Variants in DNAH7 observed in about 807,000 individuals in gnomAD.
DNAH7 encodes the protein dynein axonemal heavy chain 7.
DNAH7 carries 397 observed loss-of-function variants against 444.6 expected under a neutral mutation model. The observed-to-expected ratio is 0.89, with a 90% confidence interval of 0.82 to 0.97. The LOEUF (loss-of-function observed/expected upper bound fraction) is 0.97. DNAH7 is among the 50% of genes least tolerant of loss of function. DNAH7 has a pLI of 0.00. For missense variants in DNAH7, 4,902 were observed against 4,800.8 expected, an observed-to-expected ratio of 1.02 and a Z score of -0.62; for synonymous variants, 1,636 against 1,624.4, an observed-to-expected ratio of 1.01 and a Z score of -0.17.
At chr2:195,997,188 G>A (rs560066392) in intron 12 of DNAH7, among the ~76,000 whole-genome samples, 6 of 152,016 alleles carry the variant, frequency 3.9e-5, no homozygotes, top group Non-Finnish European at 8.8e-5. Context: ...AAGCAGAATC[G>A]GATACTACGA....
intron 9 of DNAH7, among the ~76,000 whole-genome samples, chr2:196,013,960 T>C (rs1359360253): frequency 3.3e-5 from 5 of 152,234 alleles, no homozygotes; most frequent in Admixed American, 2.0e-4. Flanking sequence ...ACCTTGCCAT[T>C]GAGCCACCAG....
At chr2:195,862,007 C>T in intron 41 of DNAH7, 61 bp from the exon 42 acceptor site, 1 of 1,284,078 alleles carries the variant, frequency 7.8e-7, no homozygotes, top group Non-Finnish European at 1.1e-6. Flanking sequence ...TCTGCTACTA[C>T]TGCAGCCCTT....
At chr2:195,830,457 C>G (rs1046988687) in intron 48 of DNAH7, among the ~76,000 whole-genome samples, 4 of 152,184 alleles carry the variant, frequency 2.6e-5, no homozygotes, top group Non-Finnish European at 5.9e-5. Flanking sequence ...AAATCTTCTT[C>G]TACAACTTAT....
At chr2:195,766,167 A>ATTTTTTTTTTTTTGT (rs1694571184) in intron 61 of DNAH7, among the ~76,000 whole-genome samples, 1 of 57,328 alleles carries the variant, frequency 1.7e-5, no homozygotes, top group Non-Finnish European at 3.7e-5. Context: ...GTGGGAGCTA[A>ATTTTTTTTTTTTTGT]TTTTTTTTTT....
chr2:195,991,574 AAAT>A (rs1385425547), intron 12 of DNAH7, among the ~76,000 whole-genome samples: 3 of 152,222 alleles, frequency 2.0e-5, no homozygotes, highest in African/African-American at 7.2e-5. Flanking sequence ...CAAAATTGCT[AAAT>A]AATAAAAATG....
intron 15 of DNAH7, among the ~76,000 whole-genome samples, chr2:195,973,930 T>C (rs1326013428): frequency 6.6e-6 from 1 of 151,824 alleles, no homozygotes; most frequent in Non-Finnish European, 1.5e-5. Flanking sequence ...TATAAATAAT[T>C]GGACGGGTGT....
chr2:195,843,691 T>C (rs1323201226), intron 47 of DNAH7, among the ~76,000 whole-genome samples: 1 of 152,202 alleles, frequency 6.6e-6, no homozygotes, highest in Non-Finnish European at 1.5e-5. Context: ...ATACCTCAAA[T>C]TCTTGTAGAA....
chr2:195,907,631 T>A, intron 25 of DNAH7, among the ~76,000 whole-genome samples: 1 of 152,304 alleles, frequency 6.6e-6, no homozygotes, highest in East Asian at 1.9e-4. Context: ...AGCACACACA[T>A]GCATATGTTA....
intron 54 of DNAH7, among the ~76,000 whole-genome samples, chr2:195,804,138 CTG>C (rs1696602806): frequency 6.6e-6 from 1 of 152,118 alleles, no homozygotes; most frequent in Admixed American, 6.5e-5. Flanking sequence ...TCCTGGATAT[CTG>C]TGGCTATACA....
At chr2:195,838,180 AAGG>A (rs1698482357) in intron 47 of DNAH7, among the ~76,000 whole-genome samples, 1 of 152,132 alleles carries the variant, frequency 6.6e-6, no homozygotes, top group African/African-American at 2.4e-5. Flanking sequence ...TCACCCACAG[AAGG>A]AGAACTAAGA....
At chr2:195,832,390 A>T (rs1373431436) in intron 48 of DNAH7, among the ~76,000 whole-genome samples, 1 of 151,766 alleles carries the variant, frequency 6.6e-6, no homozygotes, top group Non-Finnish European at 1.5e-5. Flanking sequence ...AATTAACCTA[A>T]GTAATTTTAA....
chr2:195,817,052 G>A, intron 50 of DNAH7, 89 bp from the exon 51 acceptor site: 1 of 946,628 alleles, frequency 1.1e-6, no homozygotes, highest in Non-Finnish European at 1.5e-6. Context: ...CAAAGAACTT[G>A]TAACCTAAAG....
chr2:195,763,843 AG>A (rs1694453848), intron 61 of DNAH7, among the ~76,000 whole-genome samples: 1 of 151,984 alleles, frequency 6.6e-6, no homozygotes, highest in Admixed American at 6.6e-5. Context: ...ATTCTGAAAA[AG>A]AGAGGTGGAG....
intron 24 of DNAH7, among the ~76,000 whole-genome samples, chr2:195,920,051 C>A (rs2125341255): frequency 6.6e-6 from 1 of 152,202 alleles, no homozygotes; most frequent in East Asian, 1.9e-4. Context: ...TGAGATAAAT[C>A]ACTACATGAA....
Position 195,886,303 on chromosome 2 carries a change from A to G in DNAH7, c.5407-31T>C, listed in dbSNP as rs1266895838. Reference sequence around the variant, plus strand: ...AAGTCAGTAAGAAAAATGACTAAACAATTTAAATTAGGTAATAGCTAAAAT... The same window carrying G: ...AAGTCAGTAAGAAAAATGACTAAACGATTTAAATTAGGTAATAGCTAAAAT... On this transcript the variant is annotated intron_variant, in intron 33 of 64. Coordinates refer to ENST00000312428, the MANE Select transcript of DNAH7 (RefSeq NM_018897.3). The G allele has an allele frequency of 2.5e-6, 4 of 1,594,000 alleles. No individual in the cohort carries two copies. In the South Asian group the frequency reaches 4.5e-5, roughly 18 times the overall value.
chr2:195,811,218 T>C (rs1696953568), intron 51 of DNAH7, among the ~76,000 whole-genome samples: 2 of 152,348 alleles, frequency 1.3e-5, no homozygotes, highest in Admixed American at 1.3e-4. Flanking sequence ...AAGGAATTTA[T>C]ATCAGGAATC....
intron 36 of DNAH7, among the ~76,000 whole-genome samples, chr2:195,881,211 T>C (rs770040046): frequency 6.6e-6 from 1 of 152,176 alleles, no homozygotes; most frequent in Non-Finnish European, 1.5e-5. Flanking sequence ...TAAGATGTAA[T>C]GTTAAAGTCA....
At chr2:196,067,079 G>A (rs888969768) in intron 1 of DNAH7, among the ~76,000 whole-genome samples, 1 of 152,126 alleles carries the variant, frequency 6.6e-6, no homozygotes, top group Non-Finnish European at 1.5e-5. Context: ...CTTTCTGGAG[G>A]GGGAGTGAGA....
chr2:195,870,448 G>C (rs1287834082), intron 40 of DNAH7, among the ~76,000 whole-genome samples: 1 of 152,102 alleles, frequency 6.6e-6, no homozygotes, highest in East Asian at 1.9e-4. Context: ...GGAATATCAA[G>C]GGCAAAGTTA....
Sources: gnomAD v4.1 joint callset for allele counts (sites outside exome capture counted in the v4.1 genomes callset) on GRCh38, gnomAD v4.1.1 for gene constraint, MANE v1.5 for transcripts, NCBI Gene and HGNC (gene_info 2026-07-23, HGNC 2026-07-21) for gene names.